TMEM135: variants seen among roughly 807,000 people sequenced by gnomAD.
TMEM135 encodes peroxisomal membrane protein 52.
Under a neutral mutation model 60.3 loss-of-function variants are expected in TMEM135, and 30 were observed. That is an observed-to-expected ratio of 0.50 (90% CI 0.37 to 0.68). The LOEUF is 0.68. Ranked by LOEUF, TMEM135 falls within the 30% of genes least tolerant of loss-of-function variation. The probability of loss-of-function intolerance (pLI) is 0.00; values close to 1 mark genes in which losing one functional copy is unlikely to be tolerated. For missense variants in TMEM135, 468 were observed against 548.8 expected, an observed-to-expected ratio of 0.85 and a Z score of 1.47; for synonymous variants, 190 against 186.7, an observed-to-expected ratio of 1.02 and a Z score of -0.14.
At chr11:87,224,677 A>T (rs901734433) in intron 5 of TMEM135, among the ~76,000 whole-genome samples, 9 of 151,908 alleles carry the variant, frequency 5.9e-5, no homozygotes, top group African/African-American at 2.2e-4. Flanking sequence ...TACTGAAAAC[A>T]TAATATTTTT....
chr11:87,091,520 G>T (rs1320438728), intron 4 of TMEM135, 125 bp downstream of exon 4: 15 of 902,556 alleles, frequency 1.7e-5, no homozygotes, highest in Non-Finnish European at 1.7e-6. Context: ...CTGTGTTAAT[G>T]GATAGAATTA....
chr11:87,169,772 A>G (rs906522914), intron 5 of TMEM135, among the ~76,000 whole-genome samples: 24 of 152,020 alleles, frequency 1.6e-4, no homozygotes, highest in Non-Finnish European at 2.9e-4. Flanking sequence ...TCTGACAATT[A>G]TGTATCTTGG....
intron 4 of TMEM135, among the ~76,000 whole-genome samples, chr11:87,126,015 C>G (rs1937715415): frequency 1.3e-5 from 2 of 152,126 alleles, no homozygotes; most frequent in South Asian, 4.1e-4. Context: ...CTCACCCCTT[C>G]TTGTTTGTTT....
In TMEM135 at chr11:87,236,634, A is replaced by G. The variant is rs758991483; in HGVS notation, c.463-4A>G. ...GCAAGTAATATATTTTCTCTTTGTT[A>G]CAGGTCCTTTTGTTTTGCATCACAG... is the stretch of plus-strand genomic sequence containing the variant. On this transcript the variant is annotated splice_region_variant and splice_polypyrimidine_tract_variant and intron_variant, in intron 5 of 14. Coordinates refer to ENST00000305494, the MANE Select transcript of TMEM135 (RefSeq NM_022918.4). 1 of 1,611,848 alleles carries G rather than the reference A, an allele frequency of 6.2e-7. No homozygotes were observed. The highest frequency in any genetic ancestry group is 2.2e-5 in the East Asian group (1 of 44,822).
chr11:87,200,765 ATC>A (rs1490358118), intron 5 of TMEM135, among the ~76,000 whole-genome samples: 1 of 150,852 alleles, frequency 6.6e-6, no homozygotes, highest in Non-Finnish European at 1.5e-5. Flanking sequence ...ATGTCCTGTT[ATC>A]CATTGAGCCT....
chr11:87,156,852 A>G (rs1938708155), intron 4 of TMEM135, among the ~76,000 whole-genome samples: 1 of 152,220 alleles, frequency 6.6e-6, no homozygotes, highest in South Asian at 2.1e-4. Flanking sequence ...ATTTTTGTTC[A>G]TTAAACTAAG....
At chr11:87,068,396 T>G (rs1856707496) in intron 2 of TMEM135, among the ~76,000 whole-genome samples, 1 of 152,236 alleles carries the variant, frequency 6.6e-6, no homozygotes, top group Non-Finnish European at 1.5e-5. Flanking sequence ...ATTCTTTTTA[T>G]TTTTTTCCTG....
At chr11:87,078,625 G>T (rs1856921640) in intron 3 of TMEM135, among the ~76,000 whole-genome samples, 1 of 151,616 alleles carries the variant, frequency 6.6e-6, no homozygotes, top group African/African-American at 2.4e-5. Context: ...TTATTTGTTT[G>T]TTTTTTTGTG....
At position 87,133,567 on chromosome 11, in the gene TMEM135, A is replaced by G. The variant is rs560601059; in HGVS notation, c.397-23774A>G. On this transcript the variant is annotated intron_variant, in intron 4 of 14. Transcript: ENST00000305494. ...TGAGGTATAATGAAGTATAAAAACT[A>G]TACATATTTAAAGTATATTGATACA... is the stretch of plus-strand genomic sequence containing the variant. 6.6e-5 allele frequency among the ~76,000 whole-genome samples: 10 copies of G among 152,312 alleles called. 1 individual carries two copies. The South Asian group carries it at 2.1e-3, about 32-fold the overall frequency.
chr11:87,223,667 G>GCACA (rs113588295), intron 5 of TMEM135, among the ~76,000 whole-genome samples: 1,308 of 118,432 alleles, frequency 0.011, 11 homozygotes, highest in African/African-American at 0.023. Context: ...GCACATGCAC[G>GCACA]CACACACACA....
chr11:87,321,961 A>G lies in TMEM135; in HGVS notation c.*628A>G, dbSNP rs1301063976. ...GTGGTATCCATGCTTTTTTTCAACT[A>G]ATAACATCATCTCTCTTCATGACCA... On this transcript the variant is annotated 3_prime_UTR_variant, in exon 15 of 15. Coordinates refer to ENST00000305494, the MANE Select transcript of TMEM135 (RefSeq NM_022918.4). The G allele has an allele frequency of 4.4e-6, 2 of 454,400 alleles. No homozygotes were observed. The highest frequency in any genetic ancestry group is 1.4e-4 in the East Asian group (2 of 14,386). 28.1% of individuals were successfully genotyped at this position (454,400 alleles called of 1,614,324 possible).
At chr11:87,250,921 C>T (rs1451551788) in intron 6 of TMEM135, among the ~76,000 whole-genome samples, 1 of 152,040 alleles carries the variant, frequency 6.6e-6, no homozygotes, top group East Asian at 1.9e-4. Context: ...TTGCAGTTAT[C>T]CAGCAGAGAA....
At chr11:87,262,973 C>G (rs1304347199) in intron 6 of TMEM135, among the ~76,000 whole-genome samples, 1 of 151,490 alleles carries the variant, frequency 6.6e-6, no homozygotes, top group African/African-American at 2.4e-5. Flanking sequence ...AAGATATTGT[C>G]TTTTCAAAGC....
rs117945702 is a variant in TMEM135, at chr11:87,248,215, C to T, written c.509+11531C>T. Reference sequence around the variant, plus strand: ...GATTTGCTTTCTTTTGGGAGTACACCTAGCAGTGAGATTGCTGTTTCATAT... The same window carrying T: ...GATTTGCTTTCTTTTGGGAGTACACTTAGCAGTGAGATTGCTGTTTCATAT... On this transcript the variant is annotated intron_variant, in intron 6 of 14. Coordinates refer to ENST00000305494, the MANE Select transcript of TMEM135 (RefSeq NM_022918.4). 3.9e-5 allele frequency among the ~76,000 whole-genome samples: 6 copies of T among 152,196 alleles called. No homozygotes were observed. In the East Asian group the frequency reaches 1.2e-3, roughly 29 times the overall value.
intron 5 of TMEM135, among the ~76,000 whole-genome samples, chr11:87,170,692 C>T (rs1488979187): frequency 1.3e-5 from 2 of 152,104 alleles, no homozygotes; most frequent in East Asian, 3.9e-4. Context: ...CCATCAGATG[C>T]CAGCTGGAGG....
At chr11:87,075,604 C>T (rs574852600) in intron 3 of TMEM135, among the ~76,000 whole-genome samples, 1 of 152,312 alleles carries the variant, frequency 6.6e-6, no homozygotes, top group East Asian at 1.9e-4. Context: ...TTCTTTTAAT[C>T]TAAGATAGTG....
At chr11:87,248,278 C>G (rs1254282501) in intron 6 of TMEM135, among the ~76,000 whole-genome samples, 1 of 152,188 alleles carries the variant, frequency 6.6e-6, no homozygotes, top group African/African-American at 2.4e-5. Flanking sequence ...AACCTCTAAA[C>G]TGTTCTCCAT....
chr11:87,141,536 A>G (rs1273134221), intron 4 of TMEM135, among the ~76,000 whole-genome samples: 3 of 152,058 alleles, frequency 2.0e-5, no homozygotes, highest in Non-Finnish European at 2.9e-5. Flanking sequence ...GTAAAGTTTT[A>G]TTGCTTCTTT....
At chr11:87,255,083 C>G (rs911585869) in intron 6 of TMEM135, among the ~76,000 whole-genome samples, 2 of 151,834 alleles carry the variant, frequency 1.3e-5, no homozygotes, top group Middle Eastern at 3.2e-3. Context: ...CTCTTTTTTT[C>G]CCTTTCTTCT....
Sources: allele counts gnomAD v4.1 joint callset (sites outside exome capture counted in the v4.1 genomes callset), GRCh38; gene constraint gnomAD v4.1.1; transcripts MANE v1.5; gene names NCBI Gene and HGNC (gene_info 2026-07-23, HGNC 2026-07-21).